The following JAZF1 variants were observed in gnomAD, a reference collection of about 807,000 sequenced individuals.
The protein encoded by JAZF1 is juxtaposed with another zinc finger protein 1.
In JAZF1, 8 loss-of-function variants were observed where a neutral mutation model predicts 26.4. The ratio of observed to expected loss-of-function variants is 0.30; its 90% CI spans 0.18 to 0.55. The LOEUF is 0.55. Ranked by LOEUF, JAZF1 falls within the 20% of genes least tolerant of loss-of-function variation. The probability of loss-of-function intolerance (pLI) is 0.94; values close to 1 mark genes in which losing one functional copy is unlikely to be tolerated. For missense variants in JAZF1, 199 were observed against 322.0 expected (o/e 0.62, Z 2.92); for synonymous variants, 126 against 122.3 (o/e 1.03, Z -0.20).
chr7:28,090,075 G>T (rs1208490799), intron 1 of JAZF1, among the ~76,000 whole-genome samples: 2 of 152,210 alleles, frequency 1.3e-5, no homozygotes, highest in Admixed American at 6.5e-5. Flanking sequence ...AAGAATCAAG[G>T]TTGCCTGCCA....
intron 1 of JAZF1, among the ~76,000 whole-genome samples, chr7:28,108,996 G>C (rs1461788176): frequency 6.6e-6 from 1 of 152,212 alleles, no homozygotes; most frequent in Non-Finnish European, 1.5e-5. Flanking sequence ...AACTAAGAAA[G>C]TCGAACTCAT....
chr7:27,982,651 C>T (rs1184616437), intron 2 of JAZF1, among the ~76,000 whole-genome samples: 1 of 152,186 alleles, frequency 6.6e-6, no homozygotes, highest in Non-Finnish European at 1.5e-5. Context: ...CAGACTCCCT[C>T]CTCAAATGGG....
chr7:28,145,880 G>A (rs182728139), intron 1 of JAZF1, among the ~76,000 whole-genome samples: 5 of 152,208 alleles, frequency 3.3e-5, no homozygotes, highest in African/African-American at 9.6e-5. Flanking sequence ...CAAACTGTAC[G>A]TAGCCTTTGT....
intron 1 of JAZF1, among the ~76,000 whole-genome samples, chr7:27,994,167 G>A (rs1432427945): frequency 2.0e-5 from 3 of 152,108 alleles, no homozygotes; most frequent in Non-Finnish European, 4.4e-5. Flanking sequence ...TTTGGGAAAT[G>A]GGAAGGAAGT....
intron 1 of JAZF1, among the ~76,000 whole-genome samples, chr7:28,081,547 G>C (rs905718240): frequency 2.0e-5 from 3 of 152,132 alleles, no homozygotes; most frequent in Non-Finnish European, 4.4e-5. Context: ...AAGTTACCTG[G>C]GGCTACAGAA....
intron 1 of JAZF1, among the ~76,000 whole-genome samples, chr7:28,056,862 A>G (rs1335854185): frequency 6.6e-6 from 1 of 152,162 alleles, no homozygotes; most frequent in African/African-American, 2.4e-5. Flanking sequence ...GAACCCACGC[A>G]TCTCTTAAAC....
At chr7:28,007,879 C>A (rs1463740512) in intron 1 of JAZF1, among the ~76,000 whole-genome samples, 1 of 152,190 alleles carries the variant, frequency 6.6e-6, no homozygotes, top group East Asian at 1.9e-4. Context: ...TACTAGCATT[C>A]CCCACTAGAG....
In JAZF1 at chr7:27,976,083, G is replaced by A. The variant is rs1204869821; in HGVS notation, c.188+15826C>T. 3.3e-5 allele frequency among the ~76,000 whole-genome samples: 5 copies of A among 152,224 alleles called. No individual in the cohort carries two copies. In the South Asian group the frequency reaches 6.2e-4, roughly 19 times the overall value. On this transcript the variant is annotated intron_variant, in intron 2 of 4. Coordinates refer to ENST00000283928, the MANE Select transcript of JAZF1 (RefSeq NM_175061.4). ...TTCTGGGCTAGTCGCGATGGCTCAC[G>A]CCTGTAATCCCAGCACTTTGGGAGG...
chr7:27,907,378 T>C (rs1784280918), intron 2 of JAZF1, among the ~76,000 whole-genome samples: 1 of 152,182 alleles, frequency 6.6e-6, no homozygotes, highest in Non-Finnish European at 1.5e-5. Flanking sequence ...CCTGACCCTT[T>C]CCCAGGAAGG....
At chr7:28,104,713 T>C (rs1784524357) in intron 1 of JAZF1, among the ~76,000 whole-genome samples, 1 of 152,240 alleles carries the variant, frequency 6.6e-6, no homozygotes, top group African/African-American at 2.4e-5. Context: ...ATTAGGATTC[T>C]GGAACGTATT....
chr7:28,029,769 A>G (rs1299650940), intron 1 of JAZF1, among the ~76,000 whole-genome samples: 1 of 152,244 alleles, frequency 6.6e-6, no homozygotes, highest in Non-Finnish European at 1.5e-5. Flanking sequence ...CAATGATCAG[A>G]GCCAAGTTTG....
At chr7:28,146,832 C>CT (rs1172311154) in intron 1 of JAZF1, among the ~76,000 whole-genome samples, 2 of 147,228 alleles carry the variant, frequency 1.4e-5, no homozygotes, top group East Asian at 2.0e-4. Flanking sequence ...TGGTTTTTTG[C>CT]TTTTTTTGTT....
intron 3 of JAZF1, among the ~76,000 whole-genome samples, chr7:27,865,421 G>T (rs1783456109): frequency 6.6e-6 from 1 of 152,094 alleles, no homozygotes; most frequent in Non-Finnish European, 1.5e-5. Context: ...TTTTGTTTCA[G>T]GGGTGTATGT....
At chr7:27,939,916 T>C (rs1010413822) in intron 2 of JAZF1, among the ~76,000 whole-genome samples, 2 of 152,138 alleles carry the variant, frequency 1.3e-5, no homozygotes, top group African/African-American at 2.4e-5. Context: ...CCTCTTTGCA[T>C]GTAAGTGACC....
intron 3 of JAZF1, among the ~76,000 whole-genome samples, chr7:27,864,626 C>T (rs1783442407): frequency 6.6e-6 from 1 of 152,178 alleles, no homozygotes; most frequent in African/African-American, 2.4e-5. Context: ...GAGAAAGAAA[C>T]CACCTGAGTA....
chr7:27,863,393 C>T (rs566671729), intron 3 of JAZF1, among the ~76,000 whole-genome samples: 1 of 152,120 alleles, frequency 6.6e-6, no homozygotes, highest in African/African-American at 2.4e-5. Context: ...CTTTCTTCTT[C>T]CAGTTTTTCT....
chr7:27,897,585 AG>A (rs1784091059), intron 2 of JAZF1, among the ~76,000 whole-genome samples: 1 of 152,240 alleles, frequency 6.6e-6, no homozygotes, highest in Non-Finnish European at 1.5e-5. Flanking sequence ...TGAACTGCAC[AG>A]CCTGGAGGAT....
At chr7:27,936,024 T>C (rs1411403198) in intron 2 of JAZF1, among the ~76,000 whole-genome samples, 3 of 152,206 alleles carry the variant, frequency 2.0e-5, no homozygotes, top group Admixed American at 6.5e-5. Context: ...CCAGCCCTGG[T>C]TCCGCTTTCC....
At chr7:28,078,857 G>A (rs1010954724) in intron 1 of JAZF1, among the ~76,000 whole-genome samples, 1 of 152,044 alleles carries the variant, frequency 6.6e-6, no homozygotes, top group Admixed American at 6.5e-5. Context: ...AAAAATTGTA[G>A]GAACAAAAAG....
Sources: allele counts gnomAD v4.1 joint callset (sites outside exome capture counted in the v4.1 genomes callset), GRCh38; gene constraint gnomAD v4.1.1; transcripts MANE v1.5; gene names NCBI Gene and HGNC (gene_info 2026-07-23, HGNC 2026-07-21).